FMO5: variants seen among roughly 807,000 people sequenced by gnomAD.
FMO5 encodes the protein flavin-containing monooxygenase 5.
In FMO5, 51 loss-of-function variants were observed where a neutral mutation model predicts 43.6. The observed-to-expected ratio is 1.17, with a 90% CI of 0.93 to 1.48. The LOEUF is 1.48. Ranked by LOEUF, FMO5 falls within the 40% of genes most tolerant of loss-of-function variation. FMO5 has a pLI of 0.00. For missense variants in FMO5, 644 were observed against 643.0 expected (o/e 1.00, Z -0.02); for synonymous variants, 187 against 216.5 (o/e 0.86, Z 1.20).
At chr1:147,206,626 A>G (rs1337773210) in intron 6 of FMO5, among the ~76,000 whole-genome samples, 1 of 152,182 alleles carries the variant, frequency 6.6e-6, no homozygotes, top group African/African-American at 2.4e-5. Flanking sequence ...ACATGGATGA[A>G]GCTAGAAACC....
At position 147,225,285 on chromosome 1, in the gene FMO5, A is replaced by C; in HGVS notation, c.-38+2T>G. 1.5e-5 allele frequency: 13 copies of C among 877,042 alleles called. No individual in the cohort carries two copies. Among genetic ancestry groups the C allele is most frequent in the Non-Finnish European group, 2.1e-5 (13 of 626,026 alleles). The allele number at this position is 877,042 out of a possible 1,614,324, so 54.3% of individuals were successfully genotyped here. ...GTGCTCTGCTGCGGTACCGGATCTC[A>C]CCGCCTTTCCTGAAGCGCTCAACAG... On this transcript the variant is annotated splice_donor_variant, in intron 1 of 8. Transcript: ENST00000254090. LOFTEE classifies it low-confidence loss of function (5UTR_SPLICE).
At chr1:147,220,572 T>C (rs1662828773) in intron 2 of FMO5, among the ~76,000 whole-genome samples, 1 of 152,210 alleles carries the variant, frequency 6.6e-6, no homozygotes, top group Non-Finnish European at 1.5e-5. Context: ...GGAGCAACTT[T>C]ACAGTGTGGC....
At chr1:147,208,547 C>G (rs1660519483) in intron 6 of FMO5, 1 of 228,740 alleles carries the variant, frequency 4.4e-6, no homozygotes, top group Non-Finnish European at 8.8e-6. Flanking sequence ...TCAGGTGATT[C>G]TCCTGCCTCA....
chr1:147,215,060 A>G (rs1373855052), intron 3 of FMO5: 1 of 152,216 alleles, frequency 6.6e-6, no homozygotes, highest in African/African-American at 2.4e-5. Context: ...ATATCTGACC[A>G]TAAAATTCTT....
chr1:147,189,088 A>G (rs1656194497), intron 8 of FMO5, among the ~76,000 whole-genome samples: 1 of 152,094 alleles, frequency 6.6e-6, no homozygotes, highest in East Asian at 1.9e-4. Context: ...AGCCTGGCCA[A>G]CATGGAGAAA....
At chr1:147,225,110 C>T (rs587725094) in intron 1 of FMO5, 44 bp from the exon 2 acceptor site, 3 of 1,602,914 alleles carry the variant, frequency 1.9e-6, no homozygotes, top group South Asian at 2.2e-5. Context: ...CATCGGTTAA[C>T]ATTTTTCAAG....
chr1:147,186,780 C>A lies in FMO5; in HGVS notation c.*120G>T. On this transcript the variant is annotated 3_prime_UTR_variant, in exon 9 of 9. Transcript: ENST00000254090. ...AAAAAGGAAAGTGAATTAATGCTTT[C>A]GAAAGAGACATTAAAGTAGATTTCT... 2 of 1,479,248 alleles carry A rather than the reference C, an allele frequency of 1.4e-6. No homozygotes were observed. Among genetic ancestry groups the A allele is most frequent in the Middle Eastern group, 2.5e-4 (1 of 3,940 alleles). 91.6% of individuals were successfully genotyped at this position (1,479,248 alleles called of 1,614,324 possible). A position where few individuals can be genotyped will look rare whatever the true frequency, so the allele number is the denominator to read the frequency against.
At chr1:147,206,222 A>G (rs1345498994) in intron 6 of FMO5, among the ~76,000 whole-genome samples, 2 of 150,960 alleles carry the variant, frequency 1.3e-5, no homozygotes, top group African/African-American at 4.9e-5. Context: ...ATGAGTTACC[A>G]TCTCACACCA....
chr1:147,190,110 A>G (rs1656418039), intron 8 of FMO5, 67 bp downstream of exon 8: 8 of 1,089,122 alleles, frequency 7.3e-6, no homozygotes, highest in Non-Finnish European at 1.1e-5. Context: ...TAAATACAGT[A>G]CAATATTTCT....
intron 2 of FMO5, 105 bp downstream of exon 2, chr1:147,224,790 G>T: frequency 2.8e-6 from 3 of 1,079,662 alleles, no homozygotes; most frequent in Non-Finnish European, 1.4e-6. Context: ...GATTACAGGC[G>T]TGTGCCAACC....
At position 147,214,355 on chromosome 1, in the gene FMO5, G is replaced by C. The variant is rs12032863; in HGVS notation, c.325-885C>G. ...AATCCCAGCTACTCGGGAGGCTGAG[G>C]CGGGAGAATTGCTTGAACTTGGGAG... On this transcript the variant is annotated intron_variant, in intron 3 of 8. Transcript: ENST00000254090. Among the ~76,000 whole-genome samples the C allele has an allele frequency of 2.9e-4, 44 of 152,158 alleles. No homozygotes were observed. In the East Asian group the frequency reaches 8.3e-3, roughly 29 times the overall value.
At position 147,186,818 on chromosome 1, in the gene FMO5, AC is replaced by A; in HGVS notation, c.*81del. 1 of 1,520,158 alleles carries A rather than the reference AC, an allele frequency of 6.6e-7. No individual in the cohort carries two copies. Among genetic ancestry groups the A allele is most frequent in the Non-Finnish European group, 8.8e-7 (1 of 1,138,652 alleles). 94.2% of individuals were successfully genotyped at this position (1,520,158 alleles called of 1,614,324 possible). ...AAAGTAGATTTCTGGGCAATATGAA[AC>A]TGAGAGTCAATCTCGTCAGATTCTG... On this transcript the variant is annotated 3_prime_UTR_variant, in exon 9 of 9. Transcript: ENST00000254090.
chr1:147,219,398 C>CTT (rs1189341307), intron 2 of FMO5, among the ~76,000 whole-genome samples: 1 of 151,830 alleles, frequency 6.6e-6, no homozygotes, highest in Non-Finnish European at 1.5e-5. Context: ...CTTTCTTTTT[C>CTT]TTTTATTTTT....
intron 4 of FMO5, 38 bp downstream of exon 4, chr1:147,213,270 C>T (rs1174799910): frequency 6.5e-7 from 1 of 1,541,780 alleles, no homozygotes; most frequent in African/African-American, 1.4e-5. Flanking sequence ...AGGTCACAGG[C>T]ATGGGTCAAG....
intron 7 of FMO5, among the ~76,000 whole-genome samples, chr1:147,198,872 A>AAG (rs1658487458): frequency 2.3e-4 from 33 of 144,668 alleles, no homozygotes; most frequent in African/African-American, 8.1e-4. Flanking sequence ...AAAAAAAAAA[A>AAG]AAAGAAAGAA....
intron 6 of FMO5, among the ~76,000 whole-genome samples, 161 bp from the exon 7 acceptor site, chr1:147,201,665 C>T (rs1658997555): frequency 6.6e-6 from 1 of 152,138 alleles, no homozygotes; most frequent in Non-Finnish European, 1.5e-5. Context: ...TAGGTTGGCA[C>T]AGATCAAGAT....
chr1:147,216,057 A>G, intron 2 of FMO5, 115 bp from the exon 3 acceptor site: 1 of 682,692 alleles, frequency 1.5e-6, no homozygotes, highest in South Asian at 1.9e-5. Flanking sequence ...TCACACACAC[A>G]CCTTCCAGTA....
chr1:147,206,578 C>T (rs1660090183), intron 6 of FMO5, among the ~76,000 whole-genome samples: 1 of 152,174 alleles, frequency 6.6e-6, no homozygotes, highest in South Asian at 2.1e-4. Flanking sequence ...GAATACTATG[C>T]AGCCATAAAA....
At chr1:147,196,734 C>T (rs1553919904) in intron 7 of FMO5, among the ~76,000 whole-genome samples, 1 of 152,032 alleles carries the variant, frequency 6.6e-6, no homozygotes, top group African/African-American at 2.4e-5. Context: ...TTTCTTATCT[C>T]CCTCCATGTC....
Sources: allele counts gnomAD v4.1 joint callset (sites outside exome capture counted in the v4.1 genomes callset), GRCh38; gene constraint gnomAD v4.1.1; transcripts MANE v1.5; gene names NCBI Gene and HGNC (gene_info 2026-07-23, HGNC 2026-07-21).